Variants in UNKL observed in about 807,000 individuals in gnomAD.
UNKL encodes the protein putative E3 ubiquitin-protein ligase UNKL.
A neutral mutation model predicts 78.0 loss-of-function variants in UNKL; 60 were observed. The observed-to-expected ratio is 0.77, with a 90% CI of 0.63 to 0.95. UNKL has a LOEUF of 0.95. Among genes scored for constraint, UNKL ranks in the 40% least tolerant of loss-of-function variants. The pLI is 0.00. For missense variants in UNKL, 1,159 were observed against 1,045.7 expected, an observed-to-expected ratio of 1.11 and a Z score of -1.49; for synonymous variants, 608 against 474.8, an observed-to-expected ratio of 1.28 and a Z score of -3.65.
intron 8 of UNKL, among the ~76,000 whole-genome samples, chr16:1,390,979 G>A (rs573826059): frequency 5.9e-5 from 9 of 151,862 alleles, no homozygotes; most frequent in South Asian, 2.1e-4. Context: ...GCAGTGAGCC[G>A]AGATGGCACC....
chr16:1,381,348 G>A (rs2036599410), intron 10 of UNKL, among the ~76,000 whole-genome samples: 1 of 152,202 alleles, frequency 6.6e-6, no homozygotes. Context: ...GACCGGGTGT[G>A]GTGGCTCACG....
Position 1,364,555 on chromosome 16 carries a change from G to A in UNKL, c.*1685C>T, listed in dbSNP as rs2035081905. 6.6e-6 allele frequency: 1 copy of A among 152,272 alleles called. No homozygotes were observed. The highest frequency in any genetic ancestry group is 2.1e-4 in the South Asian group (1 of 4,834). 9.4% of individuals were successfully genotyped at this position (152,272 alleles called of 1,614,324 possible). ...CTAGGGACAGTCCCAGCCCTGAGCA[G>A]AAGGGTCAGGTCATCGCGGGGATGC... On this transcript the variant is annotated 3_prime_UTR_variant, in exon 15 of 15. Coordinates refer to ENST00000389221, the MANE Select transcript of UNKL (RefSeq NM_001372107.1).
chr16:1,401,882 C>T (rs897736608), intron 3 of UNKL, among the ~76,000 whole-genome samples, 181 bp from the exon 4 acceptor site: 1 of 152,198 alleles, frequency 6.6e-6, no homozygotes, highest in Admixed American at 6.5e-5. Context: ...CATCCAAATC[C>T]CAACCACTTC....
intron 2 of UNKL, among the ~76,000 whole-genome samples, chr16:1,412,667 T>C (rs1256051110): frequency 1.3e-5 from 2 of 152,154 alleles, no homozygotes; most frequent in African/African-American, 4.8e-5. Context: ...TTAAAATAAA[T>C]ACGTAAACAT....
chr16:1,388,469 G>C (rs571119686), intron 9 of UNKL, among the ~76,000 whole-genome samples: 84 of 152,250 alleles, frequency 5.5e-4, no homozygotes, highest in African/African-American at 1.9e-3. Context: ...AAACCAACAG[G>C]GACCAGAGAG....
chr16:1,393,952 A>C (rs1157270508), intron 7 of UNKL, among the ~76,000 whole-genome samples, 179 bp downstream of exon 7: 1 of 152,140 alleles, frequency 6.6e-6, no homozygotes, highest in African/African-American at 2.4e-5. Flanking sequence ...CACATGGCAC[A>C]AACACCCCAG....
Position 1,397,181 on chromosome 16 carries a change from G to T in UNKL, c.849C>A (p.Pro283=). ...CHSRTEQQFH[P]EIYKSTKCND... ...CTGGGGGGTTGGAGGGACGTACCTCGGGATGGAACTGCTGCTCCGTGCGGG... is the reference window on the plus strand; with the variant it reads ...CTGGGGGGTTGGAGGGACGTACCTCTGGATGGAACTGCTGCTCCGTGCGGG... The change falls in exon 6 of 15, where the codon CCC becomes CCA. Residue 283 remains proline, a synonymous_variant. Coordinates refer to ENST00000389221, the MANE Select transcript of UNKL (RefSeq NM_001372107.1). 6.5e-7 allele frequency: 1 copy of T among 1,547,424 alleles called. No homozygotes were observed.
chr16:1,370,121 G>C lies in UNKL; in HGVS notation c.1585+9C>G. 6.5e-7 allele frequency: 1 copy of C among 1,535,182 alleles called. No homozygotes were observed. The highest frequency in any genetic ancestry group is 2.0e-5 in the Admixed American group (1 of 50,248). On this transcript the variant is annotated intron_variant, in intron 12 of 14. Transcript: ENST00000389221. Reference sequence around the variant, plus strand: ...CGGCAACGCCAGCATGGAGGGAGCCGGCACTCACCTAGGGGGCTGTAGGAT... The same window carrying C: ...CGGCAACGCCAGCATGGAGGGAGCCCGCACTCACCTAGGGGGCTGTAGGAT...
At position 1,399,404 on chromosome 16, in the gene UNKL, C is replaced by T. The variant is rs1364823174; in HGVS notation, c.704G>A (p.Arg235Lys). 6.2e-7 allele frequency: 1 copy of T among 1,602,204 alleles called. No homozygotes were observed. Among genetic ancestry groups the T allele is most frequent in the Non-Finnish European group, 8.5e-7 (1 of 1,174,136 alleles). ...ACPHYHNSRD[R>K]RRNPRRFQYR... Reference sequence around the variant, plus strand: ...CTGGAACCGCCGGGGGTTGCGCCGCCTGTCCCGGCTATTGTGGTAGTGTGG... The same window carrying T: ...CTGGAACCGCCGGGGGTTGCGCCGCTTGTCCCGGCTATTGTGGTAGTGTGG... Residue 235 changes from arginine to lysine, a missense_variant, in exon 5 of 15, where the codon AGG becomes AAG. Physicochemically the swap from Arg to Lys is conservative, Grantham distance 26. Coordinates refer to ENST00000389221, the MANE Select transcript of UNKL (RefSeq NM_001372107.1). This position sits in a 1 kb window ranked among gnomAD's most constrained non-coding sequence, Gnocchi z 5.8.
intron 13 of UNKL, 120 bp downstream of exon 13, chr16:1,367,536 C>G (rs189596157): frequency 1.3e-5 from 12 of 943,228 alleles, no homozygotes; most frequent in African/African-American, 2.6e-5. Context: ...ACCCCCCACA[C>G]GCTCACCTGA....
At chr16:1,378,089 TTCAG>T (rs2036363638) in intron 10 of UNKL, among the ~76,000 whole-genome samples, 1 of 152,132 alleles carries the variant, frequency 6.6e-6, no homozygotes, top group South Asian at 2.1e-4. Flanking sequence ...GTGCCTTCCA[TTCAG>T]TAAGATCAGC....
chr16:1,372,052 C>T (rs199521562), intron 10 of UNKL, among the ~76,000 whole-genome samples: 7 of 151,442 alleles, frequency 4.6e-5, no homozygotes, highest in Non-Finnish European at 7.4e-5. Context: ...GTCAGGAGAT[C>T]GAGACCATCC....
intron 10 of UNKL, among the ~76,000 whole-genome samples, chr16:1,372,306 G>T (rs1010195643): frequency 6.6e-6 from 1 of 152,100 alleles, no homozygotes; most frequent in Non-Finnish European, 1.5e-5. Flanking sequence ...TTTCTGTGAG[G>T]GTGATTTCAA....
chr16:1,383,612 G>A (rs753578914), intron 10 of UNKL: 7 of 387,704 alleles, frequency 1.8e-5, no homozygotes, highest in South Asian at 1.2e-4. Flanking sequence ...CGGCCTCCTT[G>A]GCCGGCATCG....
intron 12 of UNKL, 54 bp downstream of exon 12, chr16:1,370,076 G>A (rs2035672363): frequency 1.3e-6 from 2 of 1,547,120 alleles, no homozygotes; most frequent in Non-Finnish European, 1.7e-6. Flanking sequence ...CATCTGGGAG[G>A]GAGCCCCACG....
chr16:1,383,625 TAGG>T (rs2036694334), intron 10 of UNKL: 1 of 412,974 alleles, frequency 2.4e-6, no homozygotes, highest in Non-Finnish European at 5.0e-6. Context: ...CGGCATCGTC[TAGG>T]AGTTGCTGGG....
intron 10 of UNKL, among the ~76,000 whole-genome samples, chr16:1,372,725 C>T (rs1172178845): frequency 2.6e-5 from 4 of 152,324 alleles, no homozygotes; most frequent in East Asian, 1.9e-4. Flanking sequence ...AGGACCGCAG[C>T]GGCTGCAGGA....
intron 13 of UNKL, 66 bp from the exon 14 acceptor site, chr16:1,367,415 G>T: frequency 6.8e-7 from 1 of 1,474,636 alleles, no homozygotes; most frequent in Non-Finnish European, 9.0e-7. Context: ...CCTCTTGCCT[G>T]TGTCACCAGC....
chr16:1,413,941 C>A lies in UNKL; in HGVS notation c.192G>T (p.Arg64Ser). The change falls in exon 2 of 15, where the codon AGG becomes AGT. Residue 64 changes from arginine to serine, a missense_variant. Coordinates refer to ENST00000389221, the MANE Select transcript of UNKL (RefSeq NM_001372107.1). ...HWHFLNQRRR[R>S]PLRRRDGTFN... is the part of the protein sequence containing the mutation. Reference sequence around the variant, plus strand: ...AGGTGCCGTCGCGCCTGCGGAGGGGCCTGCGGCGCCGCTGGTTGAGGAAGT... The same window carrying A: ...AGGTGCCGTCGCGCCTGCGGAGGGGACTGCGGCGCCGCTGGTTGAGGAAGT... The A allele has an allele frequency of 6.4e-7, 1 of 1,553,464 alleles. No homozygotes were observed. Among genetic ancestry groups the A allele is most frequent in the Non-Finnish European group, 8.7e-7 (1 of 1,148,684 alleles).
Sources: allele counts gnomAD v4.1 joint callset (sites outside exome capture counted in the v4.1 genomes callset), GRCh38; gene constraint gnomAD v4.1.1; non-coding constraint Gnocchi (gnomAD v3.1); transcripts MANE v1.5; gene names NCBI Gene and HGNC (gene_info 2026-07-23, HGNC 2026-07-21).